FRS2: variants seen among roughly 807,000 people sequenced by gnomAD.
FRS2 encodes FGFR signalling adaptor.
FRS2 carries 8 observed loss-of-function variants against 43.9 expected under a neutral mutation model. That is an observed-to-expected ratio of 0.18 (90% CI 0.11 to 0.33). FRS2 has a LOEUF of 0.33. Among genes scored for constraint, FRS2 ranks in the 10% least tolerant of loss-of-function variants. The pLI is 1.00. For missense variants in FRS2, 534 were observed against 627.6 expected (o/e 0.85, Z 1.59); for synonymous variants, 219 against 220.3 (o/e 0.99, Z 0.05).
chr12:69,549,943 G>C (rs1180364241), intron 3 of FRS2, among the ~76,000 whole-genome samples: 1 of 152,052 alleles, frequency 6.6e-6, no homozygotes, highest in Non-Finnish European at 1.5e-5. Context: ...TTAGATGTTG[G>C]TGTTTCTGAG....
chr12:69,556,436 GATTCAC>G (rs1315443045), intron 3 of FRS2, among the ~76,000 whole-genome samples: 1 of 151,532 alleles, frequency 6.6e-6, no homozygotes, highest in Non-Finnish European at 1.5e-5. Context: ...AGGGTCAAGC[GATTCAC>G]ATGTCTCAGT....
intron 1 of FRS2, among the ~76,000 whole-genome samples, chr12:69,480,127 TATAAC>T (rs1430852407): frequency 1.3e-5 from 2 of 152,242 alleles, no homozygotes; most frequent in Non-Finnish European, 2.9e-5. Flanking sequence ...GTTAAATACA[TATAAC>T]ATAGAATTTA....
chr12:69,530,570 C>T (rs536603902), intron 1 of FRS2, among the ~76,000 whole-genome samples: 1 of 152,088 alleles, frequency 6.6e-6, no homozygotes, highest in Non-Finnish European at 1.5e-5. Flanking sequence ...GAGACCCTGT[C>T]TCTGCAAATA....
chr12:69,516,528 A>G (rs1875062569), intron 1 of FRS2, among the ~76,000 whole-genome samples: 1 of 152,218 alleles, frequency 6.6e-6, no homozygotes, highest in Middle Eastern at 3.4e-3. Flanking sequence ...AAAAGTGAGT[A>G]GATTAAGTGC....
chr12:69,470,443 T>TC lies in FRS2; in HGVS notation c.-346dup, dbSNP rs899867805. On this transcript the variant is annotated 5_prime_UTR_variant, in exon 1 of 9. Transcript: ENST00000549921. ...GCACAGCGGCTGAGACTCGATCTGC[T>TC]CCAAGTAGGGGCTCCAGCGCGGGTC... is the stretch of plus-strand genomic sequence containing the variant. The TC allele has an allele frequency of 2.5e-6, 1 of 398,340 alleles. No individual in the cohort carries two copies. The highest frequency in any genetic ancestry group is 2.1e-5 in the African/African-American group (1 of 48,590). The allele number at this position is 398,340 out of a possible 1,614,324, so 24.7% of individuals were successfully genotyped here.
At chr12:69,493,806 G>T (rs1490295392) in intron 1 of FRS2, among the ~76,000 whole-genome samples, 3 of 152,230 alleles carry the variant, frequency 2.0e-5, no homozygotes, top group African/African-American at 7.2e-5. Context: ...ATGTTTGTGC[G>T]TTAAGTGTAC....
chr12:69,546,217 AT>A lies in FRS2; in HGVS notation c.-122+14162del, dbSNP rs568443426. Among the ~76,000 whole-genome samples, 85 of 152,334 alleles carry A rather than the reference AT, an allele frequency of 5.6e-4. 1 individual carries two copies. The highest frequency in any genetic ancestry group is 3.4e-3 in the Middle Eastern group (1 of 294). ...ATCACCAATTATTAGAAAAATGCAAATCAGAAATACAGTGAGATACTACCCT... is the reference window on the plus strand; with the variant it reads ...ATCACCAATTATTAGAAAAATGCAAACAGAAATACAGTGAGATACTACCCT... On this transcript the variant is annotated intron_variant, in intron 3 of 8. Transcript: ENST00000549921.
At chr12:69,546,773 C>A (rs568589466) in intron 3 of FRS2, among the ~76,000 whole-genome samples, 1 of 152,028 alleles carries the variant, frequency 6.6e-6, no homozygotes, top group East Asian at 1.9e-4. Context: ...TATGCACTGT[C>A]GGTGAGAATA....
intron 1 of FRS2, among the ~76,000 whole-genome samples, chr12:69,495,628 A>G (rs1299773645): frequency 6.6e-6 from 1 of 152,208 alleles, no homozygotes; most frequent in Admixed American, 6.5e-5. Context: ...AGTATTACAA[A>G]ATAATGCTTA....
chr12:69,558,952 A>C (rs1052323385), intron 3 of FRS2, among the ~76,000 whole-genome samples: 4 of 152,230 alleles, frequency 2.6e-5, no homozygotes, highest in African/African-American at 7.2e-5. Flanking sequence ...TTGCTTAAAA[A>C]TCATTTTTAT....
chr12:69,512,226 A>T (rs1397251417), intron 1 of FRS2, among the ~76,000 whole-genome samples: 1 of 152,132 alleles, frequency 6.6e-6, no homozygotes, highest in East Asian at 1.9e-4. Flanking sequence ...CTGTTAGCTC[A>T]TCTCTTTTTG....
rs574460172 is a variant in FRS2, at chr12:69,545,767, A to C, written c.-122+13711A>C. ...TGAGACCCTGTCTCAAAAAAAAAAAAAAAAAAAAAAACAAAAACAAAAACC... is the reference window on the plus strand; with the variant it reads ...TGAGACCCTGTCTCAAAAAAAAAAACAAAAAAAAAAACAAAAACAAAAACC... On this transcript the variant is annotated intron_variant, in intron 3 of 8. Coordinates refer to ENST00000549921, the MANE Select transcript of FRS2 (RefSeq NM_001278356.2). 2.0e-3 allele frequency among the ~76,000 whole-genome samples: 304 copies of C among 150,550 alleles called. 1 individual carries two copies. The highest frequency in any genetic ancestry group is 6.5e-3 in the African/African-American group (268 of 41,214).
intron 3 of FRS2, among the ~76,000 whole-genome samples, chr12:69,537,218 A>G (rs1350889177): frequency 6.6e-6 from 1 of 152,186 alleles, no homozygotes; most frequent in Non-Finnish European, 1.5e-5. Flanking sequence ...ATGCACACAT[A>G]CAGAATTTTA....
At chr12:69,570,542 A>T (rs1880663121) in intron 6 of FRS2, 25 bp downstream of exon 6, 2 of 1,414,834 alleles carry the variant, frequency 1.4e-6, no homozygotes, top group East Asian at 4.6e-5. Context: ...TTTTTTCCCA[A>T]ATATTGTATT....
chr12:69,476,070 G>A lies in FRS2; in HGVS notation c.-261+5540G>A, dbSNP rs554451414. Among the ~76,000 whole-genome samples, 6 of 152,210 alleles carry A rather than the reference G, an allele frequency of 3.9e-5. No homozygotes were observed. The East Asian group carries it at 1.2e-3, about 29-fold the overall frequency. Reference sequence around the variant, plus strand: ...GCCCCTTTTTAAAGATTATGGTTCTGTGAAATCCGAAAATCTTGGCTTAAA... The same window carrying A: ...GCCCCTTTTTAAAGATTATGGTTCTATGAAATCCGAAAATCTTGGCTTAAA... On this transcript the variant is annotated intron_variant, in intron 1 of 8. Transcript: ENST00000549921.
intron 1 of FRS2, among the ~76,000 whole-genome samples, chr12:69,501,683 C>T (rs1873454790): frequency 6.6e-6 from 1 of 152,100 alleles, no homozygotes; most frequent in Admixed American, 6.5e-5. Flanking sequence ...TTCTGGTTCT[C>T]AGTTTCTTCA....
In FRS2 at chr12:69,574,965, G is replaced by A; in HGVS notation, c.*10G>A. 3 of 1,545,668 alleles carry A rather than the reference G, an allele frequency of 1.9e-6. No homozygotes were observed. The highest frequency in any genetic ancestry group is 2.7e-6 in the Non-Finnish European group (3 of 1,121,088). The stretch of plus-strand genomic sequence containing the variant: ...TGATCTGCCCATGTGAGCCTGGAAA[G>A]CATTGTGTTGTTTGCACCTTTGTGA... On this transcript the variant is annotated 3_prime_UTR_variant, in exon 9 of 9. Coordinates refer to ENST00000549921, the MANE Select transcript of FRS2 (RefSeq NM_001278356.2).
chr12:69,484,477 A>G (rs1210944613), intron 1 of FRS2, among the ~76,000 whole-genome samples: 1 of 152,206 alleles, frequency 6.6e-6, no homozygotes, highest in African/African-American at 2.4e-5. Context: ...AGGTTTACCT[A>G]CAAAATGATT....
intron 1 of FRS2, among the ~76,000 whole-genome samples, 190 bp from the exon 2 acceptor site, chr12:69,530,675 T>G (rs1203492117): frequency 6.6e-6 from 1 of 152,038 alleles, no homozygotes; most frequent in Non-Finnish European, 1.5e-5. Flanking sequence ...CCCATGAGAT[T>G]GAGGCTGCAG....
Sources: gnomAD v4.1 joint callset for allele counts (sites outside exome capture counted in the v4.1 genomes callset) on GRCh38, gnomAD v4.1.1 for gene constraint, MANE v1.5 for transcripts, NCBI Gene and HGNC (gene_info 2026-07-23, HGNC 2026-07-21) for gene names.